Variants in CNBD2 observed in about 807,000 individuals in gnomAD.
The protein encoded by CNBD2 is cyclic nucleotide-binding domain-containing protein 2.
A neutral mutation model predicts 63.7 loss-of-function variants in CNBD2; 64 were observed. The observed-to-expected ratio is 1.00, with a 90% CI of 0.82 to 1.24. The LOEUF (loss-of-function observed/expected upper bound fraction) is 1.24, where lower values mean the gene tolerates loss of function less well. CNBD2 is among the 50% of genes most tolerant of loss of function. The probability of loss-of-function intolerance (pLI) is 0.00; values close to 1 mark genes in which losing one functional copy is unlikely to be tolerated. For missense variants in CNBD2, 691 were observed against 713.5 expected (o/e 0.97, Z 0.36); for synonymous variants, 229 against 255.4 (o/e 0.90, Z 0.99).
chr20:36,020,976 C>A (rs957092282), intron 10 of CNBD2, among the ~76,000 whole-genome samples: 2 of 152,110 alleles, frequency 1.3e-5, no homozygotes, highest in African/African-American at 4.8e-5. Flanking sequence ...GGTCTAGAAC[C>A]CAAATGGTGG....
intron 8 of CNBD2, among the ~76,000 whole-genome samples, 183 bp downstream of exon 8, chr20:35,995,335 T>A (rs895996743): frequency 6.6e-6 from 1 of 152,062 alleles, no homozygotes; most frequent in African/African-American, 2.4e-5. Flanking sequence ...CTTTTTTTTT[T>A]ATTGAGCCTT....
intron 11 of CNBD2, among the ~76,000 whole-genome samples, chr20:36,024,967 G>A (rs187611168): frequency 1.5e-3 from 231 of 152,184 alleles, no homozygotes; most frequent in African/African-American, 5.5e-3. Flanking sequence ...AAATAAATAA[G>A]ATGTTCATAG....
At chr20:35,995,334 T>C (rs1410625201) in intron 8 of CNBD2, among the ~76,000 whole-genome samples, 182 bp downstream of exon 8, 9 of 152,128 alleles carry the variant, frequency 5.9e-5, no homozygotes, top group Non-Finnish European at 1.0e-4. Flanking sequence ...CCTTTTTTTT[T>C]TATTGAGCCT....
At chr20:36,019,604 C>T (rs1395665522) in intron 10 of CNBD2, among the ~76,000 whole-genome samples, 1 of 147,952 alleles carries the variant, frequency 6.8e-6, no homozygotes, top group East Asian at 2.0e-4. Flanking sequence ...AGACAAGCAG[C>T]AAGTTCAAGG....
intron 10 of CNBD2, 56 bp downstream of exon 10, chr20:36,011,313 A>G: frequency 7.1e-7 from 1 of 1,415,970 alleles, no homozygotes; most frequent in Non-Finnish European, 9.3e-7. Flanking sequence ...ATGGGCTGGA[A>G]TGTTAAGTAA....
At chr20:35,984,185 G>A (rs372249310) in intron 5 of CNBD2, 47 bp downstream of exon 5, 3 of 1,553,246 alleles carry the variant, frequency 1.9e-6, no homozygotes, top group African/African-American at 2.7e-5. Flanking sequence ...AGTGGGTGGA[G>A]GTGACAGGAC....
upstream of CNBD2, among the ~76,000 whole-genome samples, chr20:35,966,273 A>C (rs2056344360): frequency 3.3e-5 from 5 of 152,060 alleles, no homozygotes; most frequent in Admixed American, 3.3e-4. Context: ...GGGAAAAACC[A>C]GTTTTGTCCC....
intron 8 of CNBD2, among the ~76,000 whole-genome samples, chr20:35,998,742 G>T (rs893828582): frequency 6.6e-6 from 1 of 151,882 alleles, no homozygotes; most frequent in Non-Finnish European, 1.5e-5. Context: ...GCATGGTGGC[G>T]CATGCCTGTA....
chr20:35,954,523 A>C (rs1600995104), upstream of CNBD2: 1 of 1,525,006 alleles, frequency 6.6e-7, no homozygotes, highest in South Asian at 1.2e-5. Context: ...GCGCGCGAGC[A>C]CCCGGAAGCC....
Position 35,995,115 on chromosome 20 carries a change from G to A in CNBD2, c.933G>A (p.Glu311=). The part of the protein sequence containing the change: ...SYRRWIWQHL[E]LIDGRPLKTH... Reference sequence around the variant, plus strand: ...GTAGATGGATCTGGCAGCACCTGGAGCTGATAGATGGCAGACCTCTGAAGA... The same window carrying A: ...GTAGATGGATCTGGCAGCACCTGGAACTGATAGATGGCAGACCTCTGAAGA... The change falls in exon 8 of 12, where the codon GAG becomes GAA. Residue 311 remains glutamate, a synonymous_variant. Coordinates refer to ENST00000373973, the MANE Select transcript of CNBD2 (RefSeq NM_001365709.1). The A allele has an allele frequency of 6.2e-7, 1 of 1,614,106 alleles. No individual in the cohort carries two copies. Among genetic ancestry groups the A allele is most frequent in the Non-Finnish European group, 8.5e-7 (1 of 1,179,974 alleles).
intron 6 of CNBD2, 137 bp from the exon 7 acceptor site, chr20:35,987,258 G>A (rs1277885839): frequency 4.4e-6 from 4 of 901,812 alleles, no homozygotes; most frequent in Admixed American, 2.2e-5. Context: ...GGCAAGGCCA[G>A]GTAATTGGGC....
At chr20:36,011,574 G>T (rs2057062392) in intron 10 of CNBD2, among the ~76,000 whole-genome samples, 1 of 151,818 alleles carries the variant, frequency 6.6e-6, no homozygotes, top group Non-Finnish European at 1.5e-5. Flanking sequence ...AATCCCAGCT[G>T]AATCCAGGAA....
intron 8 of CNBD2, among the ~76,000 whole-genome samples, chr20:36,000,727 TTTTTTTTTTTTCATTTGTGTATGAAA>T (rs1396258154): frequency 7.9e-6 from 1 of 127,230 alleles, no homozygotes; most frequent in East Asian, 1.9e-4. Context: ...CCTGGCTAAT[TTTTTTTTTTTTCATTTGTGTATGAAA>T]TTTTTTTTTT....
At position 35,987,495 on chromosome 20, in the gene CNBD2, G is replaced by T. The variant is rs779551600; in HGVS notation, c.817G>T (p.Asp273Tyr). 1.2e-6 allele frequency: 2 copies of T among 1,614,192 alleles called. No homozygotes were observed. Among genetic ancestry groups the T allele is most frequent in the Non-Finnish European group, 1.7e-6 (2 of 1,180,016 alleles). The change falls in exon 7 of 12, where the codon GAT (aspartate) becomes TAT (tyrosine). Residue 273 changes from aspartate (D) to tyrosine (Y), a missense_variant. Coordinates refer to ENST00000373973, the MANE Select transcript of CNBD2 (RefSeq NM_001365709.1). ...CTCGTATGGGCAGCTGATCTCAAAAGATTTTGGAGAGTCACCCTTCATCAT... is the reference window on the plus strand; with the variant it reads ...CTCGTATGGGCAGCTGATCTCAAAATATTTTGGAGAGTCACCCTTCATCAT... Reference protein sequence around the residue: ...RFSYGQLISKDFGESPFIMFI... With the variant: ...RFSYGQLISKYFGESPFIMFI...
At chr20:35,996,680 G>A (rs1176428132) in intron 8 of CNBD2, among the ~76,000 whole-genome samples, 1 of 151,810 alleles carries the variant, frequency 6.6e-6, no homozygotes, top group African/African-American at 2.4e-5. Flanking sequence ...GCCAATTTTT[G>A]TTTTTTTAGT....
At chr20:35,965,663 T>C (rs2056340272), upstream of CNBD2, among the ~76,000 whole-genome samples, 2 of 152,214 alleles carry the variant, frequency 1.3e-5, no homozygotes, top group Admixed American at 6.5e-5. Flanking sequence ...AATGAAACTT[T>C]CTTAGTTTCT....
chr20:36,023,772 G>T lies in CNBD2; in HGVS notation c.1439+1G>T. The T allele has an allele frequency of 6.2e-7, 1 of 1,606,162 alleles. No homozygotes were observed. ...TAAAGCTCAATATTGCATTCCCCAG[G>T]TCAGTACTGGAAATGTGCGTAAGTC... is the stretch of plus-strand genomic sequence containing the variant. On this transcript the variant is annotated splice_donor_variant, in intron 11 of 11. Transcript: ENST00000373973. LOFTEE classifies it high-confidence loss of function.
intron 1 of CNBD2, among the ~76,000 whole-genome samples, chr20:35,969,952 T>C (rs2056389521): frequency 1.3e-5 from 2 of 152,348 alleles, no homozygotes; most frequent in South Asian, 4.1e-4. Context: ...ATCATGTTAT[T>C]ACTTTAATTT....
intron 3 of CNBD2, among the ~76,000 whole-genome samples, chr20:35,978,367 C>A (rs540332882): frequency 6.9e-6 from 1 of 145,880 alleles, no homozygotes; most frequent in Admixed American, 6.9e-5. Context: ...TTTTTTGAGA[C>A]GGAGTCGAGC....
Sources: gnomAD v4.1 joint callset for allele counts (sites outside exome capture counted in the v4.1 genomes callset) on GRCh38, gnomAD v4.1.1 for gene constraint, MANE v1.5 for transcripts, NCBI Gene and HGNC (gene_info 2026-07-23, HGNC 2026-07-21) for gene names.